SPART: variants seen among roughly 807,000 people sequenced by gnomAD.
SPART encodes spastic paraplegia 20 (Troyer syndrome).
A neutral mutation model predicts 58.7 loss-of-function variants in SPART; 35 were observed. The ratio of observed to expected loss-of-function variants is 0.60; its 90% CI spans 0.46 to 0.79. The LOEUF (loss-of-function observed/expected upper bound fraction) is 0.79. Ranked by LOEUF, SPART falls within the 30% of genes least tolerant of loss-of-function variation. The pLI, the probability that SPART is intolerant of heterozygous loss-of-function variation, is 0.00. For synonymous variants in SPART, 284 were observed against 280.7 expected (o/e 1.01, Z -0.12); for missense variants, 730 against 786.1 (o/e 0.93, Z 0.85).
At chr13:36,326,331 G>A in intron 5 of SPART, 1 of 496,162 alleles carries the variant, frequency 2.0e-6, no homozygotes, top group Admixed American at 3.4e-5. Context: ...GAAGATTCCT[G>A]AAGCTTTTCA....
chr13:36,318,028 G>T (rs1055863462), intron 5 of SPART, among the ~76,000 whole-genome samples: 1 of 151,818 alleles, frequency 6.6e-6, no homozygotes, highest in East Asian at 1.9e-4. Flanking sequence ...TTTCCCTCCC[G>T]CCTGTCCCCT....
chr13:36,343,936 G>A (rs937849284), intron 1 of SPART, among the ~76,000 whole-genome samples: 1 of 151,942 alleles, frequency 6.6e-6, no homozygotes, highest in African/African-American at 2.4e-5. Flanking sequence ...GGCTGAGGCC[G>A]GAGGATCGCT....
At chr13:36,345,869 C>T (rs989405006) in intron 1 of SPART, among the ~76,000 whole-genome samples, 1 of 152,038 alleles carries the variant, frequency 6.6e-6, no homozygotes, top group Non-Finnish European at 1.5e-5. Flanking sequence ...AAGTAAACAA[C>T]GGGGTTGGGG....
At chr13:36,367,570 C>G (rs973845336) in intron 1 of SPART, among the ~76,000 whole-genome samples, 9 of 152,078 alleles carry the variant, frequency 5.9e-5, no homozygotes, top group African/African-American at 2.2e-4. Context: ...CTTCCCCTTT[C>G]CTTCTTGCCT....
intron 1 of SPART, among the ~76,000 whole-genome samples, chr13:36,344,900 A>AT (rs1884926322): frequency 1.3e-5 from 2 of 152,308 alleles, no homozygotes; most frequent in Admixed American, 6.5e-5. Flanking sequence ...CTAAATTCTA[A>AT]TTTTTTAACG....
rs192462180 is a variant in SPART at position 36,303,240 on chromosome 13, G to A, written c.*1125C>T. ...TAGAAGATCAGAAATTATTAGAATG[G>A]ACTACAGCTATGAAAACTAATACCA... On this transcript the variant is annotated 3_prime_UTR_variant, in exon 9 of 9. Transcript: ENST00000438666. 1 of 152,134 alleles carries A rather than the reference G, an allele frequency of 6.6e-6. No homozygotes were observed. Among genetic ancestry groups the A allele is most frequent in the Admixed American group, 6.5e-5 (1 of 15,276 alleles). 9.4% of individuals were successfully genotyped at this position (152,134 alleles called of 1,614,324 possible). A position where few individuals can be genotyped will look rare whatever the true frequency, so the allele number is the denominator to read the frequency against.
intron 1 of SPART, among the ~76,000 whole-genome samples, chr13:36,352,891 T>TCAAGGCTA (rs1229591859): frequency 6.6e-6 from 1 of 151,122 alleles, no homozygotes; most frequent in African/African-American, 2.4e-5. Flanking sequence ...GCCTGGGAGG[T>TCAAGGCTA]CAAGGCTACA....
chr13:36,322,026 G>A (rs570196708), intron 5 of SPART, among the ~76,000 whole-genome samples: 43 of 151,750 alleles, frequency 2.8e-4, no homozygotes, highest in Admixed American at 1.2e-3. Flanking sequence ...AACCCCCTTG[G>A]ACTGTAATTT....
intron 4 of SPART, among the ~76,000 whole-genome samples, chr13:36,328,087 T>C (rs1199118695): frequency 6.6e-6 from 1 of 152,178 alleles, no homozygotes; most frequent in African/African-American, 2.4e-5. Flanking sequence ...ATATACTCTT[T>C]TGTACCCTTC....
chr13:36,344,028 G>A (rs1276665841), intron 1 of SPART, among the ~76,000 whole-genome samples: 1 of 136,454 alleles, frequency 7.3e-6, no homozygotes, highest in Non-Finnish European at 1.6e-5. Context: ...GCAAGACCTT[G>A]TCTCTTTAAA....
chr13:36,306,866 T>C (rs1248156326), intron 8 of SPART, among the ~76,000 whole-genome samples: 1 of 152,200 alleles, frequency 6.6e-6, no homozygotes. Context: ...CTCTTCTTTA[T>C]CTCAAAAAAA....
intron 2 of SPART, among the ~76,000 whole-genome samples, chr13:36,334,275 C>A (rs766912504): frequency 6.6e-6 from 1 of 152,164 alleles, no homozygotes; most frequent in Non-Finnish European, 1.5e-5. Flanking sequence ...CACAGCAATG[C>A]CCTGACATCA....
intron 1 of SPART, among the ~76,000 whole-genome samples, chr13:36,362,449 T>G (rs1354974793): frequency 2.6e-5 from 4 of 151,314 alleles, no homozygotes; most frequent in Non-Finnish European, 4.4e-5. Flanking sequence ...ATCTAATGAG[T>G]CACAGCTGAC....
At chr13:36,332,941 A>G (rs1011038873) in intron 2 of SPART, among the ~76,000 whole-genome samples, 1 of 152,214 alleles carries the variant, frequency 6.6e-6, no homozygotes, top group African/African-American at 2.4e-5. Context: ...AAAGCAAGTA[A>G]TAGCAGTGGT....
At chr13:36,325,391 A>G (rs1882830061) in intron 5 of SPART, among the ~76,000 whole-genome samples, 1 of 152,144 alleles carries the variant, frequency 6.6e-6, no homozygotes. Context: ...TGGCACTAGG[A>G]AAAGTATTTT....
intron 1 of SPART, among the ~76,000 whole-genome samples, chr13:36,355,233 T>C (rs1305459965): frequency 6.6e-6 from 1 of 152,172 alleles, no homozygotes; most frequent in Non-Finnish European, 1.5e-5. Flanking sequence ...CTATCATAGC[T>C]CACTAAGGCT....
intron 1 of SPART, among the ~76,000 whole-genome samples, chr13:36,340,666 GT>G (rs769171657): frequency 1.4e-4 from 21 of 152,184 alleles, no homozygotes; most frequent in Middle Eastern, 3.4e-3. Context: ...CTGATGATGA[GT>G]TTCCAAGATA....
rs369158693 is a variant in SPART at position 36,335,453 on chromosome 13, T to C, written c.378A>G (p.Leu126=). The C allele has an allele frequency of 7.4e-6, 12 of 1,614,032 alleles. No homozygotes were observed. The highest frequency in any genetic ancestry group is 1.3e-5 in the African/African-American group (1 of 74,920). The change falls in exon 2 of 9, where the codon TTA becomes TTG. Residue 126 remains leucine (L), a synonymous_variant. Coordinates refer to ENST00000438666, the MANE Select transcript of SPART (RefSeq NM_015087.5). ...CTGAACTAAAAGACTGAGGCTCTGG[T>C]AATTTTTCACACATGTCTTTAGGTG... The part of the protein sequence containing the change: ...EFPPKDMCEK[L]PEPQSFSSAP...
rs559979312 is a variant in SPART at position 36,330,243 on chromosome 13, G to A, written c.1009-726C>T. Among the ~76,000 whole-genome samples the A allele has an allele frequency of 5.9e-5, 9 of 152,318 alleles. No homozygotes were observed. The South Asian group carries it at 1.9e-3, about 32-fold the overall frequency. ...TTCACTCAGTAAACAGTGAAGTGAAGATGAACTCCTTCATTTGACCATATT... is the reference window on the plus strand; with the variant it reads ...TTCACTCAGTAAACAGTGAAGTGAAAATGAACTCCTTCATTTGACCATATT... On this transcript the variant is annotated intron_variant, in intron 3 of 8. Coordinates refer to ENST00000438666, the MANE Select transcript of SPART (RefSeq NM_015087.5).
Sources: allele counts gnomAD v4.1 joint callset (sites outside exome capture counted in the v4.1 genomes callset), GRCh38; gene constraint gnomAD v4.1.1; transcripts MANE v1.5; gene names NCBI Gene and HGNC (gene_info 2026-07-23, HGNC 2026-07-21).